CLGN: variants seen among roughly 807,000 people sequenced by gnomAD.
CLGN encodes testis tissue sperm-binding protein Li 79P.
CLGN carries 62 observed loss-of-function variants against 79.1 expected under a neutral mutation model. The observed-to-expected ratio is 0.78, with a 90% CI of 0.64 to 0.97. CLGN has a LOEUF of 0.97. CLGN is among the 50% of genes least tolerant of loss of function. The probability of loss-of-function intolerance (pLI) is 0.00; values close to 1 mark genes in which losing one functional copy is unlikely to be tolerated. For synonymous variants in CLGN, 225 were observed against 224.7 expected (o/e 1.00, Z -0.01); for missense variants, 647 against 715.5 (o/e 0.90, Z 1.09).
At chr4:140,392,107 A>G in intron 13 of CLGN, 112 bp downstream of exon 13, 1 of 1,230,222 alleles carries the variant, frequency 8.1e-7, no homozygotes, top group East Asian at 2.3e-5. Flanking sequence ...TGGGAGATTC[A>G]GATGTATAAA....
In CLGN at chr4:140,396,087, C is replaced by CTT. The variant is rs753703729; in HGVS notation, c.998+3_998+4dup. Reference sequence around the variant, plus strand: ...AATCGACATTTGAAGATGAAGAGTGCTTACCAGTCATCAGGTTTTTCAGCA... The same window carrying CTT: ...AATCGACATTTGAAGATGAAGAGTGCTTTTACCAGTCATCAGGTTTTTCAGCA... On this transcript the variant is annotated splice_donor_region_variant and intron_variant, in intron 9 of 14. Coordinates refer to ENST00000325617, the MANE Select transcript of CLGN (RefSeq NM_004362.3). The CTT allele has an allele frequency of 8.1e-6, 13 of 1,612,934 alleles. No individual in the cohort carries two copies. The East Asian group carries it at 1.1e-4, about 14-fold the overall frequency.
At chr4:140,409,919 T>C (rs1411734650) in intron 3 of CLGN, 24 bp from the exon 4 acceptor site, 5 of 1,526,808 alleles carry the variant, frequency 3.3e-6, no homozygotes, top group Non-Finnish European at 4.5e-6. Context: ...TGAACATACA[T>C]ATATGTCATT....
At chr4:140,411,582 G>A (rs1014120270) in intron 2 of CLGN, among the ~76,000 whole-genome samples, 2 of 151,970 alleles carry the variant, frequency 1.3e-5, no homozygotes, top group African/African-American at 4.8e-5. Flanking sequence ...TCTTCCAGTA[G>A]GCTTTAGGGA....
At chr4:140,409,118 C>T (rs1578602090) in intron 4 of CLGN, among the ~76,000 whole-genome samples, 1 of 152,062 alleles carries the variant, frequency 6.6e-6, no homozygotes, top group Non-Finnish European at 1.5e-5. Context: ...AACTGCTTAT[C>T]AGAGTCTGAG....
chr4:140,397,130 T>C (rs1728906121), intron 8 of CLGN, among the ~76,000 whole-genome samples: 1 of 151,650 alleles, frequency 6.6e-6, no homozygotes, highest in Non-Finnish European at 1.5e-5. Flanking sequence ...GTTAAGAGTA[T>C]GGACATTTTA....
chr4:140,390,447 A>C (rs1251561135), intron 14 of CLGN, among the ~76,000 whole-genome samples, 181 bp downstream of exon 14: 1 of 151,778 alleles, frequency 6.6e-6, no homozygotes, highest in Non-Finnish European at 1.5e-5. Flanking sequence ...CATTGAGACA[A>C]TATAAATTAC....
chr4:140,398,951 T>A lies in CLGN; in HGVS notation c.784A>T (p.Lys262Ter), dbSNP rs1172329093. 9.3e-6 allele frequency: 15 copies of A among 1,613,822 alleles called. No individual in the cohort carries two copies. The highest frequency in any genetic ancestry group is 1.3e-5 in the Non-Finnish European group (15 of 1,179,894). The change falls in exon 8 of 15, where the codon AAA becomes TAA. Residue 262 changes from lysine to a stop codon, truncating the protein, a stop_gained. Transcript: ENST00000325617. LOFTEE classifies it high-confidence loss of function. The part of the protein sequence containing the change: ...SLLEDVVPPI[K>*]PPKEIEDPND... Reference sequence around the variant, plus strand: ...GGATCTTCAATTTCTTTGGGAGGTTTGATAGGAGGAACCACATCCTCTAGG... The same window carrying A: ...GGATCTTCAATTTCTTTGGGAGGTTAGATAGGAGGAACCACATCCTCTAGG...
In CLGN at chr4:140,389,203, T is replaced by C; in HGVS notation, c.*21A>G. 6.3e-7 allele frequency: 1 copy of C among 1,598,952 alleles called. No individual in the cohort carries two copies. The highest frequency in any genetic ancestry group is 2.2e-5 in the East Asian group (1 of 44,748). On this transcript the variant is annotated 3_prime_UTR_variant, in exon 15 of 15. Transcript: ENST00000325617. ...CAATGCCAAACATCCCTCTCGGGAA[T>C]TAAAAATATTTCAATCTAGTTTAGT...
At chr4:140,403,301 C>T (rs1729032493) in intron 5 of CLGN, among the ~76,000 whole-genome samples, 1 of 152,192 alleles carries the variant, frequency 6.6e-6, no homozygotes, top group Non-Finnish European at 1.5e-5. Flanking sequence ...ATGGCCCATA[C>T]TTACACCTCA....
intron 1 of CLGN, among the ~76,000 whole-genome samples, chr4:140,422,279 A>G (rs966106780): frequency 6.6e-6 from 1 of 152,076 alleles, no homozygotes; most frequent in Non-Finnish European, 1.5e-5. Flanking sequence ...TTCTATATGA[A>G]TTTTACTATT....
chr4:140,405,469 C>CCA (rs1238200883), intron 5 of CLGN, among the ~76,000 whole-genome samples: 1 of 151,980 alleles, frequency 6.6e-6, no homozygotes, highest in East Asian at 1.9e-4. Flanking sequence ...CAGGCGTGAG[C>CCA]CACCGCGCCC....
intron 4 of CLGN, among the ~76,000 whole-genome samples, chr4:140,408,134 G>A (rs1045258950): frequency 6.6e-6 from 1 of 151,926 alleles, no homozygotes; most frequent in African/African-American, 2.4e-5. Flanking sequence ...ACATATAGAA[G>A]AATGAAACTG....
chr4:140,425,217 T>C (rs957583010), intron 1 of CLGN, among the ~76,000 whole-genome samples: 7 of 152,216 alleles, frequency 4.6e-5, no homozygotes, highest in Non-Finnish European at 7.3e-5. Flanking sequence ...AAGACCTGTA[T>C]GCCATTGTCA....
At chr4:140,412,803 G>GA (rs1013054552) in intron 2 of CLGN, 132 bp downstream of exon 2, 31 of 834,122 alleles carry the variant, frequency 3.7e-5, no homozygotes, top group African/African-American at 5.2e-5. Flanking sequence ...AAGACACTTA[G>GA]AAAAAAAATC....
chr4:140,410,093 A>G (rs1323022148), intron 3 of CLGN, among the ~76,000 whole-genome samples, 198 bp from the exon 4 acceptor site: 1 of 152,096 alleles, frequency 6.6e-6, no homozygotes, highest in Admixed American at 6.5e-5. Context: ...TTTGGAATCT[A>G]TAATTTACTA....
At chr4:140,401,719 A>G (rs899499362) in intron 6 of CLGN, among the ~76,000 whole-genome samples, 4 of 152,170 alleles carry the variant, frequency 2.6e-5, no homozygotes, top group African/African-American at 9.6e-5. Flanking sequence ...TTCAAAAGAA[A>G]TTTATAAGTA....
rs1452174653 is a variant in CLGN at position 140,409,818 on chromosome 4, A to G, written c.277+19T>C. 6.6e-7 allele frequency: 1 copy of G among 1,514,032 alleles called. No homozygotes were observed. Among genetic ancestry groups the G allele is most frequent in the East Asian group, 2.3e-5 (1 of 43,878 alleles). 93.8% of individuals were successfully genotyped at this position (1,514,032 alleles called of 1,614,324 possible). A position where few individuals can be genotyped will look rare whatever the true frequency, so the allele number is the denominator to read the frequency against. ...CCAGGCCATACTGGTTATATCTAAT[A>G]CTTAAATAAATATTTTACCATCGTA... On this transcript the variant is annotated intron_variant, in intron 4 of 14. Coordinates refer to ENST00000325617, the MANE Select transcript of CLGN (RefSeq NM_004362.3).
intron 5 of CLGN, among the ~76,000 whole-genome samples, chr4:140,404,549 C>T (rs1323063183): frequency 6.6e-6 from 1 of 152,112 alleles, no homozygotes; most frequent in Non-Finnish European, 1.5e-5. Flanking sequence ...TTTATTTACC[C>T]CATTTCATTT....
intron 13 of CLGN, among the ~76,000 whole-genome samples, chr4:140,391,903 C>T (rs967720909): frequency 6.6e-6 from 1 of 151,788 alleles, no homozygotes; most frequent in African/African-American, 2.4e-5. Context: ...CTCTATCACC[C>T]TCCATCTCAT....
Sources: allele counts gnomAD v4.1 joint callset (sites outside exome capture counted in the v4.1 genomes callset), GRCh38; gene constraint gnomAD v4.1.1; transcripts MANE v1.5; gene names NCBI Gene and HGNC (gene_info 2026-07-23, HGNC 2026-07-21).